FAXC: variants seen among roughly 807,000 people sequenced by gnomAD.
FAXC encodes the protein failed axon connections homolog, metaxin like GST domain containing.
In FAXC, 10 loss-of-function variants were observed where a neutral mutation model predicts 41.9. The ratio of observed to expected loss-of-function variants is 0.24; its 90% confidence interval spans 0.15 to 0.41. FAXC has a LOEUF of 0.41. FAXC is among the 10% of genes least tolerant of loss of function. The pLI is 1.00. For missense variants in FAXC, 399 were observed against 510.9 expected (o/e 0.78, Z 2.11); for synonymous variants, 183 against 183.8 (o/e 1.00, Z 0.03).
chr6:99,310,833 G>A (rs1258964440), intron 4 of FAXC, among the ~76,000 whole-genome samples: 1 of 152,150 alleles, frequency 6.6e-6, no homozygotes, highest in African/African-American at 2.4e-5. Flanking sequence ...TTCATAGAAG[G>A]TATGAGTGTG....
In FAXC at chr6:99,279,093, C is replaced by G. The variant is rs1770731646; in HGVS notation, c.*2071G>C. On this transcript the variant is annotated 3_prime_UTR_variant, in exon 6 of 6. Transcript: ENST00000389677. ...ATTCATATTTTCAGTCCAGGAGTCT[C>G]CCTAGTCACACAGAAATGCCACCAG... is the stretch of plus-strand genomic sequence containing the variant. The G allele has an allele frequency of 6.6e-6, 1 of 152,118 alleles. No homozygotes were observed. The highest frequency in any genetic ancestry group is 2.4e-5 in the African/African-American group (1 of 41,432). 9.4% of individuals were successfully genotyped at this position (152,118 alleles called of 1,614,324 possible). A position where few individuals can be genotyped will look rare whatever the true frequency, so the allele number is the denominator to read the frequency against.
chr6:99,318,306 C>CAAAAAAAAA (rs1554201375), intron 4 of FAXC, among the ~76,000 whole-genome samples: 12 of 135,228 alleles, frequency 8.9e-5, no homozygotes, highest in African/African-American at 2.5e-4. Context: ...CACACACACA[C>CAAAAAAAAA]AAAATAGAAG....
chr6:99,314,142 T>C (rs1483063826), intron 4 of FAXC, among the ~76,000 whole-genome samples: 1 of 152,098 alleles, frequency 6.6e-6, no homozygotes, highest in Non-Finnish European at 1.5e-5. Flanking sequence ...CCCAGAACTA[T>C]AGACACGTGC....
intron 5 of FAXC, among the ~76,000 whole-genome samples, chr6:99,287,893 G>T (rs1771083655): frequency 6.6e-6 from 1 of 152,068 alleles, no homozygotes; most frequent in Admixed American, 6.6e-5. Flanking sequence ...GCCTAAAATG[G>T]GATTTAGAGA....
chr6:99,271,899 C>G lies in FAXC; in HGVS notation c.*9265G>C, dbSNP rs922319679. ...AGAATTTGAAACATCCTGCATGTCTCTATAGATCTTGACATGCCTATAGGC... is the reference window on the plus strand; with the variant it reads ...AGAATTTGAAACATCCTGCATGTCTGTATAGATCTTGACATGCCTATAGGC... On this transcript the variant is annotated 3_prime_UTR_variant, in exon 6 of 6. Coordinates refer to ENST00000389677, the MANE Select transcript of FAXC (RefSeq NM_032511.4). 2 of 152,182 alleles carry G rather than the reference C, an allele frequency of 1.3e-5. No individual in the cohort carries two copies. Among genetic ancestry groups the G allele is most frequent in the South Asian group, 2.1e-4 (1 of 4,824 alleles). The allele number at this position is 152,182 out of a possible 1,614,324, so 9.4% of individuals were successfully genotyped here.
intron 2 of FAXC, among the ~76,000 whole-genome samples, chr6:99,339,201 G>T (rs988718356): frequency 2.6e-5 from 4 of 152,204 alleles, no homozygotes; most frequent in African/African-American, 7.2e-5. Context: ...CAACCTCCCA[G>T]TTGGTCTGTT....
At chr6:99,319,363 C>T (rs1187782649) in intron 4 of FAXC, among the ~76,000 whole-genome samples, 1 of 145,176 alleles carries the variant, frequency 6.9e-6, no homozygotes, top group Admixed American at 7.1e-5. Context: ...TGCACCACTG[C>T]ACTCTAGCCT....
In FAXC at chr6:99,276,560, G is replaced by C. The variant is rs1209193042; in HGVS notation, c.*4604C>G. 6.6e-6 allele frequency: 1 copy of C among 152,128 alleles called. No individual in the cohort carries two copies. Among genetic ancestry groups the C allele is most frequent in the Non-Finnish European group, 1.5e-5 (1 of 68,018 alleles). The allele number at this position is 152,128 out of a possible 1,614,324, so 9.4% of individuals were successfully genotyped here. On this transcript the variant is annotated 3_prime_UTR_variant, in exon 6 of 6. Coordinates refer to ENST00000389677, the MANE Select transcript of FAXC (RefSeq NM_032511.4). ...TAAGAGCACTTCTTTCTTCTTTTCT[G>C]TCACTCAAGACATACTGAACATGGA...
chr6:99,313,225 C>G (rs1384667917), intron 4 of FAXC, among the ~76,000 whole-genome samples: 1 of 152,158 alleles, frequency 6.6e-6, no homozygotes, highest in Non-Finnish European at 1.5e-5. Flanking sequence ...CCCAGGAGAT[C>G]AAGGCTTCAG....
rs1770429383 is a variant in FAXC, at chr6:99,272,170, G to GTA, written c.*8993_*8994insTA. On this transcript the variant is annotated 3_prime_UTR_variant, in exon 6 of 6. Coordinates refer to ENST00000389677, the MANE Select transcript of FAXC (RefSeq NM_032511.4). ...TATGTGTGTGTGTGTGTGTGTGTGT[G>GTA]TGTGTGTGTGTGTGTGTGTGTTTGA... 1 of 151,786 alleles carries GTA rather than the reference G, an allele frequency of 6.6e-6. No homozygotes were observed. The allele number at this position is 151,786 out of a possible 1,614,324, so 9.4% of individuals were successfully genotyped here.
intron 5 of FAXC, among the ~76,000 whole-genome samples, chr6:99,285,024 G>GT (rs1204215583): frequency 4.0e-5 from 2 of 50,028 alleles, no homozygotes; most frequent in African/African-American, 1.7e-4. Flanking sequence ...TACTTGACTG[G>GT]TAAAAAAAAA....
Position 99,280,930 on chromosome 6 carries a change from T to C in FAXC, c.*234A>G. 1 of 458,968 alleles carries C rather than the reference T, an allele frequency of 2.2e-6. No individual in the cohort carries two copies. Among genetic ancestry groups the C allele is most frequent in the Non-Finnish European group, 3.9e-6 (1 of 255,378 alleles). The allele number at this position is 458,968 out of a possible 1,614,324, so 28.4% of individuals were successfully genotyped here. A position where few individuals can be genotyped will look rare whatever the true frequency, so the allele number is the denominator to read the frequency against. ...GTTTTCTAATGAAAACAAAAATGGA[T>C]TTCAGGAACCATGCTGACATTATTT... is the stretch of plus-strand genomic sequence containing the variant. On this transcript the variant is annotated 3_prime_UTR_variant, in exon 6 of 6. Coordinates refer to ENST00000389677, the MANE Select transcript of FAXC (RefSeq NM_032511.4).
At chr6:99,287,639 C>T (rs905277266) in intron 5 of FAXC, among the ~76,000 whole-genome samples, 1 of 152,092 alleles carries the variant, frequency 6.6e-6, no homozygotes. Context: ...GTGCTTCTGC[C>T]GTTCCAAAGC....
At chr6:99,340,812 G>A (rs936722200) in intron 2 of FAXC, among the ~76,000 whole-genome samples, 1 of 151,610 alleles carries the variant, frequency 6.6e-6, no homozygotes, top group African/African-American at 2.4e-5. Context: ...GGGATTACAG[G>A]TACACACCAC....
chr6:99,346,684 G>A (rs1004011266), intron 1 of FAXC, among the ~76,000 whole-genome samples: 8 of 152,084 alleles, frequency 5.3e-5, no homozygotes, highest in African/African-American at 1.7e-4. Context: ...ACAGGCGTAA[G>A]CTGCCGCGCG....
chr6:99,334,218 G>C (rs886690178), intron 2 of FAXC, among the ~76,000 whole-genome samples: 35 of 152,320 alleles, frequency 2.3e-4, no homozygotes, highest in African/African-American at 8.2e-4. Flanking sequence ...GATTTGGACT[G>C]ATCTCTGCCT....
rs987542063 is a variant in FAXC, at chr6:99,273,828, T to C, written c.*7336A>G. ...ACTTTTAAAATGTCTATGTTTGCTA[T>C]GGTTTTTAATGTTTACATCAGTAAA... On this transcript the variant is annotated 3_prime_UTR_variant, in exon 6 of 6. Transcript: ENST00000389677. 9 of 152,268 alleles carry C rather than the reference T, an allele frequency of 5.9e-5. No individual in the cohort carries two copies. The highest frequency in any genetic ancestry group is 3.4e-3 in the Middle Eastern group (1 of 294). 9.4% of individuals were successfully genotyped at this position (152,268 alleles called of 1,614,324 possible).
At chr6:99,296,403 G>C (rs1771240702) in intron 4 of FAXC, among the ~76,000 whole-genome samples, 1 of 152,142 alleles carries the variant, frequency 6.6e-6, no homozygotes, top group Non-Finnish European at 1.5e-5. Flanking sequence ...ACTTCCATAG[G>C]ATGGACAGAA....
In FAXC at chr6:99,281,137, A is replaced by G. The variant is rs759260493; in HGVS notation, c.*27T>C. ...ACCGACCCAGGGAGTGGCAGGTCCC[A>G]AGGAAGAGGGTCAGTGAGGCTGGAC... On this transcript the variant is annotated 3_prime_UTR_variant, in exon 6 of 6. Coordinates refer to ENST00000389677, the MANE Select transcript of FAXC (RefSeq NM_032511.4). 9.3e-7 allele frequency: 1 copy of G among 1,077,060 alleles called. No individual in the cohort carries two copies. The highest frequency in any genetic ancestry group is 2.4e-5 in the East Asian group (1 of 42,338). 66.7% of individuals were successfully genotyped at this position (1,077,060 alleles called of 1,614,324 possible). A position where few individuals can be genotyped will look rare whatever the true frequency, so the allele number is the denominator to read the frequency against.
Sources: allele counts gnomAD v4.1 joint callset (sites outside exome capture counted in the v4.1 genomes callset), GRCh38; gene constraint gnomAD v4.1.1; transcripts MANE v1.5; gene names NCBI Gene and HGNC (gene_info 2026-07-23, HGNC 2026-07-21).